The following MIGA1 variants were observed in gnomAD, a reference collection of about 807,000 sequenced individuals.
The protein encoded by MIGA1 is mitoguardin 1.
A neutral mutation model predicts 82.0 loss-of-function variants in MIGA1; 58 were observed. That is an observed-to-expected ratio of 0.71 (90% CI 0.57 to 0.88). MIGA1 has a LOEUF of 0.88. MIGA1 is among the 40% of genes least tolerant of loss of function. MIGA1 has a pLI of 0.00. For missense variants in MIGA1, 751 were observed against 749.1 expected (o/e 1.00, Z -0.03); for synonymous variants, 249 against 253.6 (o/e 0.98, Z 0.17).
chr1:77,865,760 T>C (rs927160147), intron 13 of MIGA1, among the ~76,000 whole-genome samples: 4 of 152,038 alleles, frequency 2.6e-5, no homozygotes, highest in East Asian at 3.9e-4. Flanking sequence ...TTTCCTTTAG[T>C]GGCTTTGTGT....
intron 2 of MIGA1, among the ~76,000 whole-genome samples, chr1:77,786,909 G>A (rs1557892893): frequency 6.6e-6 from 1 of 152,104 alleles, no homozygotes; most frequent in Non-Finnish European, 1.5e-5. Context: ...CCACTCTACT[G>A]GTACCAATTT....
intron 7 of MIGA1, among the ~76,000 whole-genome samples, chr1:77,829,817 G>A (rs1212050983): frequency 1.3e-5 from 2 of 151,896 alleles, no homozygotes; most frequent in Admixed American, 1.3e-4. Context: ...TTTAATGTTT[G>A]GATGGGTAAT....
At chr1:77,854,303 G>C (rs1321579455) in intron 8 of MIGA1, among the ~76,000 whole-genome samples, 1 of 152,152 alleles carries the variant, frequency 6.6e-6, no homozygotes, top group Non-Finnish European at 1.5e-5. Flanking sequence ...GGGCATTTGG[G>C]TTGGTTCTAC....
intron 8 of MIGA1, among the ~76,000 whole-genome samples, chr1:77,850,862 C>CTT (rs66645153): frequency 6.7e-6 from 1 of 148,688 alleles, no homozygotes; most frequent in African/African-American, 2.5e-5. Context: ...TTCTTTCTTT[C>CTT]TTTTTTTTTT....
chr1:77,855,494 T>C (rs1281859837), intron 8 of MIGA1, among the ~76,000 whole-genome samples: 1 of 152,142 alleles, frequency 6.6e-6, no homozygotes, highest in Non-Finnish European at 1.5e-5. Flanking sequence ...TATGGTCCTT[T>C]TCACAATATA....
intron 8 of MIGA1, among the ~76,000 whole-genome samples, chr1:77,855,556 T>C (rs1421947469): frequency 1.3e-5 from 2 of 152,202 alleles, no homozygotes; most frequent in East Asian, 3.8e-4. Context: ...TTGGGTCGTC[T>C]CTGATTTTTT....
intron 8 of MIGA1, chr1:77,848,542 T>G: frequency 7.7e-7 from 1 of 1,298,238 alleles, no homozygotes; most frequent in Non-Finnish European, 1.1e-6. Flanking sequence ...CCAAGAAAGA[T>G]CCAACAAAAT....
At position 77,869,917 on chromosome 1, in the gene MIGA1, A is replaced by G. The variant is rs1361602802; in HGVS notation, c.1564-3087A>G. Among the ~76,000 whole-genome samples, 96 of 102,582 alleles carry G rather than the reference A, an allele frequency of 9.4e-4. 3 individuals carry two copies. The highest frequency in any genetic ancestry group is 3.8e-4 in the Non-Finnish European group (19 of 49,692). 67.3% of individuals were successfully genotyped at this position (102,582 alleles called of 152,430 possible). A position where few individuals can be genotyped will look rare whatever the true frequency, so the allele number is the denominator to read the frequency against. ...GGGCGGCTGGCCGGGCGGGGGGCTG[A>G]CCCCGCCCACCTCCCTCCCGGACGG... On this transcript the variant is annotated intron_variant, in intron 14 of 15. Coordinates refer to ENST00000370791, the MANE Select transcript of MIGA1 (RefSeq NM_198549.4).
At chr1:77,819,080 C>CAAAAAA (rs745979095) in intron 7 of MIGA1, among the ~76,000 whole-genome samples, 4 of 63,318 alleles carry the variant, frequency 6.3e-5, no homozygotes, top group Non-Finnish European at 6.6e-5. Flanking sequence ...AACTCTGTCC[C>CAAAAAA]AAAAAAAAAA....
intron 7 of MIGA1, among the ~76,000 whole-genome samples, chr1:77,821,088 T>G (rs1280193594): frequency 6.6e-6 from 1 of 151,952 alleles, no homozygotes; most frequent in Non-Finnish European, 1.5e-5. Flanking sequence ...GAGCCAAGAT[T>G]GTGCCATTGC....
intron 14 of MIGA1, among the ~76,000 whole-genome samples, chr1:77,869,884 C>T (rs1571022849): frequency 8.1e-6 from 1 of 123,570 alleles, no homozygotes; most frequent in Non-Finnish European, 1.8e-5. Flanking sequence ...CCACCTCCCT[C>T]CCGGACGGGG....
intron 7 of MIGA1, among the ~76,000 whole-genome samples, chr1:77,816,609 CATT>C (rs749625779): frequency 6.6e-6 from 1 of 152,126 alleles, no homozygotes; most frequent in Non-Finnish European, 1.5e-5. Context: ...TGTCACCAAA[CATT>C]ATTTATTAGA....
At chr1:77,834,357 A>G (rs1684351049) in intron 7 of MIGA1, among the ~76,000 whole-genome samples, 4 of 151,950 alleles carry the variant, frequency 2.6e-5, no homozygotes, top group South Asian at 2.1e-4. Context: ...TTTATTTTAT[A>G]TAGAGATGGG....
chr1:77,821,559 C>T (rs1371688949), intron 7 of MIGA1, among the ~76,000 whole-genome samples: 1 of 151,926 alleles, frequency 6.6e-6, no homozygotes, highest in Non-Finnish European at 1.5e-5. Flanking sequence ...CCATGCCTGG[C>T]TAATTTTGTA....
At position 77,878,404 on chromosome 1, in the gene MIGA1, A is replaced by AG. The variant is rs1553230959; in HGVS notation, c.*3340_*3341insG. 1 of 149,952 alleles carries AG rather than the reference A, an allele frequency of 6.7e-6. No individual in the cohort carries two copies. The highest frequency in any genetic ancestry group is 2.4e-5 in the African/African-American group (1 of 40,938). 9.3% of individuals were successfully genotyped at this position (149,952 alleles called of 1,614,324 possible). ...AGTAAAACTCTGTCTCAAAAAAAAA[A>AG]AAAAAAAAAAAAAAAAAGACATATG... On this transcript the variant is annotated 3_prime_UTR_variant, in exon 16 of 16. Coordinates refer to ENST00000370791, the MANE Select transcript of MIGA1 (RefSeq NM_198549.4).
chr1:77,838,298 C>T (rs1684503749), intron 7 of MIGA1, among the ~76,000 whole-genome samples: 1 of 152,052 alleles, frequency 6.6e-6, no homozygotes, highest in Non-Finnish European at 1.5e-5. Context: ...AGCAACTGTC[C>T]TGATGCTCAG....
At chr1:77,836,226 A>G (rs1684419578) in intron 7 of MIGA1, among the ~76,000 whole-genome samples, 1 of 152,226 alleles carries the variant, frequency 6.6e-6, no homozygotes, top group Admixed American at 6.5e-5. Flanking sequence ...CCTCCACTCA[A>G]GTTATATTAC....
chr1:77,833,585 A>G (rs1160396644), intron 7 of MIGA1, among the ~76,000 whole-genome samples: 3 of 152,216 alleles, frequency 2.0e-5, no homozygotes, highest in Non-Finnish European at 4.4e-5. Context: ...ACAAAGGGCC[A>G]TCCATGTAAG....
chr1:77,861,354 T>G, intron 12 of MIGA1, 32 bp downstream of exon 12: 1 of 1,377,648 alleles, frequency 7.3e-7, no homozygotes, highest in South Asian at 1.2e-5. Context: ...TATTTATTTT[T>G]CTTAGTTATT....
Sources: allele counts gnomAD v4.1 joint callset (sites outside exome capture counted in the v4.1 genomes callset), GRCh38; gene constraint gnomAD v4.1.1; transcripts MANE v1.5; gene names NCBI Gene and HGNC (gene_info 2026-07-23, HGNC 2026-07-21).